The following KCND2 variants were observed in gnomAD, a reference collection of about 807,000 sequenced individuals.
KCND2 encodes potassium voltage-gated channel subfamily D member 2.
KCND2 carries 16 observed loss-of-function variants against 54.4 expected under a neutral mutation model. The observed-to-expected ratio is 0.29, with a 90% CI of 0.20 to 0.45. KCND2 has a LOEUF of 0.45. KCND2 is among the 20% of genes least tolerant of loss of function. KCND2 has a pLI of 1.00. For synonymous variants in KCND2, 317 were observed against 310.7 expected, an observed-to-expected ratio of 1.02 and a Z score of -0.21; for missense variants, 486 against 824.2, an observed-to-expected ratio of 0.59 and a Z score of 5.02.
chr7:120,658,835 C>T (rs1367622207), intron 1 of KCND2, among the ~76,000 whole-genome samples: 1 of 152,162 alleles, frequency 6.6e-6, no homozygotes, highest in African/African-American at 2.4e-5. Flanking sequence ...GTACTTCTTC[C>T]ACACACCCAC....
chr7:120,435,971 C>G (rs995157720), intron 1 of KCND2, among the ~76,000 whole-genome samples: 1 of 152,038 alleles, frequency 6.6e-6, no homozygotes, highest in Non-Finnish European at 1.5e-5. Context: ...ATGAAAATGT[C>G]AAGAAATTGG....
chr7:120,411,935 G>A (rs1196810522), intron 1 of KCND2, among the ~76,000 whole-genome samples: 1 of 151,926 alleles, frequency 6.6e-6, no homozygotes, highest in Non-Finnish European at 1.5e-5. Flanking sequence ...CATCTTTCAA[G>A]ATGTATATGT....
intron 1 of KCND2, among the ~76,000 whole-genome samples, chr7:120,571,575 A>G (rs1792366746): frequency 6.6e-6 from 1 of 152,220 alleles, no homozygotes; most frequent in Non-Finnish European, 1.5e-5. Context: ...GAAACAATAT[A>G]AGTTTAGATT....
chr7:120,605,003 G>A (rs532244262), intron 1 of KCND2, among the ~76,000 whole-genome samples: 9 of 152,156 alleles, frequency 5.9e-5, no homozygotes, highest in Admixed American at 4.6e-4. Context: ...TTATTGTTCT[G>A]TATCTTTTAA....
In KCND2 at chr7:120,474,032, C is replaced by T. The variant is rs527465595; in HGVS notation, c.1115+198285C>T. On this transcript the variant is annotated intron_variant, in intron 1 of 5. Transcript: ENST00000331113. ...TAATTGGTAATGTGATCTAATGGTG[C>T]GTCTTGCAGGAGCTCTACTTACCTC... 4.1e-4 allele frequency among the ~76,000 whole-genome samples: 63 copies of T among 152,272 alleles called. No homozygotes were observed. The South Asian group carries it at 0.012, about 29-fold the overall frequency.
At chr7:120,585,089 C>A (rs1792575817) in intron 1 of KCND2, among the ~76,000 whole-genome samples, 1 of 152,102 alleles carries the variant, frequency 6.6e-6, no homozygotes, top group Non-Finnish European at 1.5e-5. Flanking sequence ...TCCTGACACA[C>A]ACTTAGGTGT....
chr7:120,561,464 T>A (rs1055451960), intron 1 of KCND2, among the ~76,000 whole-genome samples: 2 of 152,092 alleles, frequency 1.3e-5, no homozygotes, highest in African/African-American at 4.8e-5. Context: ...GAGGTATAAC[T>A]ATTGTCATCT....
chr7:120,684,797 A>C (rs1792181199), intron 1 of KCND2, among the ~76,000 whole-genome samples: 1 of 152,112 alleles, frequency 6.6e-6, no homozygotes, highest in African/African-American at 2.4e-5. Context: ...CGGTTTTAGA[A>C]TCTCATAGGA....
intron 1 of KCND2, among the ~76,000 whole-genome samples, chr7:120,450,234 A>T (rs1429398157): frequency 4.6e-5 from 7 of 151,900 alleles, no homozygotes; most frequent in Non-Finnish European, 1.5e-5. Flanking sequence ...AAATGGTGAA[A>T]CCCCGTCTTT....
intron 1 of KCND2, among the ~76,000 whole-genome samples, chr7:120,586,950 T>C (rs1401644316): frequency 1.3e-5 from 2 of 152,114 alleles, no homozygotes; most frequent in Non-Finnish European, 2.9e-5. Flanking sequence ...TTTCTTTAAT[T>C]TTTGGAGTAG....
intron 1 of KCND2, among the ~76,000 whole-genome samples, chr7:120,573,823 A>C (rs10224891): frequency 3.9e-5 from 6 of 152,084 alleles, no homozygotes; most frequent in African/African-American, 1.5e-4. Flanking sequence ...TCAAAGCACC[A>C]ATTCTATAAT....
intron 1 of KCND2, among the ~76,000 whole-genome samples, chr7:120,657,581 T>TA (rs1184887137): frequency 6.6e-6 from 1 of 152,144 alleles, no homozygotes; most frequent in Non-Finnish European, 1.5e-5. Flanking sequence ...GTAAGGTGGC[T>TA]AATGCTTGTA....
chr7:120,341,541 A>G (rs1354140420), intron 1 of KCND2, among the ~76,000 whole-genome samples: 1 of 152,158 alleles, frequency 6.6e-6, no homozygotes, highest in Admixed American at 6.5e-5. Flanking sequence ...ACTAGAGCAA[A>G]TGAGCTAGAA....
intron 1 of KCND2, among the ~76,000 whole-genome samples, chr7:120,515,337 A>C (rs142141100): frequency 2.6e-5 from 4 of 152,112 alleles, no homozygotes; most frequent in Non-Finnish European, 5.9e-5. Context: ...CTGTCTCATG[A>C]GTTTTTATTG....
At chr7:120,297,195 C>A (rs1392598680) in intron 1 of KCND2, among the ~76,000 whole-genome samples, 3 of 152,030 alleles carry the variant, frequency 2.0e-5, no homozygotes, top group Admixed American at 2.0e-4. Flanking sequence ...AAATGTCTAT[C>A]CATCTGTCCA....
chr7:120,353,133 CTTTTTTTTT>C (rs72353278), intron 1 of KCND2, among the ~76,000 whole-genome samples: 3 of 91,794 alleles, frequency 3.3e-5, no homozygotes, highest in African/African-American at 8.5e-5. Context: ...AATACTTTTA[CTTTTTTTTT>C]TTTTTTTTTT....
intron 1 of KCND2, among the ~76,000 whole-genome samples, chr7:120,550,677 A>T (rs1299925050): frequency 6.6e-6 from 1 of 152,154 alleles, no homozygotes; most frequent in African/African-American, 2.4e-5. Flanking sequence ...GTCTCCAGGG[A>T]GTCATTTCAG....
intron 1 of KCND2, among the ~76,000 whole-genome samples, chr7:120,438,994 G>A (rs1284764902): frequency 6.6e-6 from 1 of 151,938 alleles, no homozygotes; most frequent in East Asian, 1.9e-4. Flanking sequence ...GTTCAGCATG[G>A]CTGAATCTTA....
intron 1 of KCND2, among the ~76,000 whole-genome samples, chr7:120,565,693 A>G (rs1384371493): frequency 6.6e-6 from 1 of 152,170 alleles, no homozygotes; most frequent in Non-Finnish European, 1.5e-5. Context: ...TCAGTGAAAA[A>G]GTGTCATGAG....
Sources: gnomAD v4.1 joint callset for allele counts (sites outside exome capture counted in the v4.1 genomes callset) on GRCh38, gnomAD v4.1.1 for gene constraint, MANE v1.5 for transcripts, NCBI Gene and HGNC (gene_info 2026-07-23, HGNC 2026-07-21) for gene names.